UBE2O: variants seen among roughly 807,000 people sequenced by gnomAD.
The protein encoded by UBE2O is ubiquitin conjugating enzyme E2 O.
UBE2O carries 15 observed loss-of-function variants against 125.8 expected under a neutral mutation model. That is an observed-to-expected ratio of 0.12 (90% CI 0.08 to 0.18). The LOEUF (loss-of-function observed/expected upper bound fraction) is 0.18. UBE2O is among the 10% of genes least tolerant of loss of function. UBE2O has a pLI of 1.00. For missense variants in UBE2O, 1,280 were observed against 1,723.6 expected (o/e 0.74, Z 4.56); for synonymous variants, 708 against 703.2 (o/e 1.01, Z -0.11).
intron 1 of UBE2O, among the ~76,000 whole-genome samples, chr17:76,449,455 A>T (rs1044094317): frequency 3.3e-5 from 5 of 152,218 alleles, no homozygotes; most frequent in African/African-American, 1.2e-4. Context: ...CATGCCCATA[A>T]TCCCAGCTAT....
At chr17:76,434,064 T>C (rs1027039481) in intron 1 of UBE2O, among the ~76,000 whole-genome samples, 1 of 152,222 alleles carries the variant, frequency 6.6e-6, no homozygotes, top group African/African-American at 2.4e-5. Context: ...TGTCCTCCTA[T>C]AGACTTTTAT....
At chr17:76,431,760 C>A (rs1165782362) in intron 1 of UBE2O, among the ~76,000 whole-genome samples, 3 of 152,162 alleles carry the variant, frequency 2.0e-5, no homozygotes. Context: ...TGGGCCAAGA[C>A]TCCATCTCTA....
At position 76,399,900 on chromosome 17, in the gene UBE2O, G is replaced by C. The variant is rs1330465832; in HGVS notation, c.1177C>G (p.Gln393Glu). The change falls in exon 9 of 18, where the codon CAG (glutamine) becomes GAG (glutamate). Residue 393 changes from glutamine to glutamate, a missense_variant. By Grantham distance (29) the Gln-to-Glu change is conservative (BLOSUM62 2). Transcript: ENST00000319380. The surrounding 1 kb of genome is among the most constrained non-coding windows in gnomAD (Gnocchi z 6.9). ...GAGCATGACATGATCCGCACAACCT[G>C]CTTCTTCAACAGGCGCTTCACCTGC... ...AKKVKRLLKKQVVRIMSCSPD... is the reference protein window; with the variant it reads ...AKKVKRLLKKEVVRIMSCSPD... 3 of 1,607,820 alleles carry C rather than the reference G, an allele frequency of 1.9e-6. No individual in the cohort carries two copies. In the South Asian group the frequency reaches 3.3e-5, roughly 18 times the overall value.
chr17:76,390,690 T>C lies in UBE2O; in HGVS notation c.*253A>G, dbSNP rs2072092229. 1 of 407,146 alleles carries C rather than the reference T, an allele frequency of 2.5e-6. No homozygotes were observed. Among genetic ancestry groups the C allele is most frequent in the African/African-American group, 2.0e-5 (1 of 48,850 alleles). 25.2% of individuals were successfully genotyped at this position (407,146 alleles called of 1,614,324 possible). On this transcript the variant is annotated 3_prime_UTR_variant, in exon 18 of 18. Transcript: ENST00000319380. ...CCGGACATTCTGCTGGGGTGACAAA[T>C]GGAAAATCGGCAACAGGGTTCCGAT...
chr17:76,399,873 G>C lies in UBE2O; in HGVS notation c.1204C>G (p.Pro402Ala). The C allele has an allele frequency of 6.2e-7, 1 of 1,613,314 alleles. No individual in the cohort carries two copies. Among genetic ancestry groups the C allele is most frequent in the South Asian group, 1.1e-5 (1 of 90,914 alleles). The change falls in exon 9 of 18, where the codon CCA becomes GCA. Residue 402 changes from proline (P) to alanine (A), a missense_variant. This residue lies in a region of UBE2O where 141 missense variants were observed against 141.3 expected (regional missense o/e 1.00). Transcript: ENST00000319380. This position sits in a 1 kb window ranked among gnomAD's most constrained non-coding sequence, Gnocchi z 6.9. ...KQVVRIMSCS[P>A]DTQCSRDHSM... ...TGGTCCCGGGAACACTGGGTGTCTGGGGAGCATGACATGATCCGCACAACC... is the reference window on the plus strand; with the variant it reads ...TGGTCCCGGGAACACTGGGTGTCTGCGGAGCATGACATGATCCGCACAACC...
rs2072064026 is a variant in UBE2O, at chr17:76,389,528, AAAATG to A, written c.*1410_*1414del. ...GCCAACACAAAAAAAAAAAAAAAAA[AAAATG>A]CAAGTAAAAAAAAGTTTAATCACAC... On this transcript the variant is annotated 3_prime_UTR_variant, in exon 18 of 18. Coordinates refer to ENST00000319380, the MANE Select transcript of UBE2O (RefSeq NM_022066.4). The A allele has an allele frequency of 6.6e-6, 1 of 152,052 alleles. No individual in the cohort carries two copies. Among genetic ancestry groups the A allele is most frequent in the Non-Finnish European group, 1.5e-5 (1 of 67,980 alleles). The allele number at this position is 152,052 out of a possible 1,614,324, so 9.4% of individuals were successfully genotyped here. A position where few individuals can be genotyped will look rare whatever the true frequency, so the allele number is the denominator to read the frequency against.
At chr17:76,401,708 T>G (rs1315853542) in intron 5 of UBE2O, 1 of 178,526 alleles carries the variant, frequency 5.6e-6, no homozygotes, top group Non-Finnish European at 1.2e-5. Context: ...AAACCTCATC[T>G]CCACTAAAAA....
intron 15 of UBE2O, 142 bp from the exon 16 acceptor site, chr17:76,392,255 G>A (rs2072125920): frequency 3.8e-6 from 2 of 533,222 alleles, no homozygotes; most frequent in Non-Finnish European, 6.4e-6. Context: ...GACTCCAGAT[G>A]CCACCAGCAG....
intron 1 of UBE2O, among the ~76,000 whole-genome samples, chr17:76,406,184 G>C (rs1056695885): frequency 1.3e-5 from 2 of 152,216 alleles, no homozygotes; most frequent in South Asian, 4.1e-4. Flanking sequence ...CTTGGAGCCC[G>C]GCCAACTGCA....
At chr17:76,426,224 G>A (rs1244771918) in intron 1 of UBE2O, among the ~76,000 whole-genome samples, 2 of 152,046 alleles carry the variant, frequency 1.3e-5, no homozygotes, top group African/African-American at 4.8e-5. Context: ...GGCTGGTCTC[G>A]AACGGGGCTC....
At chr17:76,431,093 G>A (rs1378502259) in intron 1 of UBE2O, 1 of 180,998 alleles carries the variant, frequency 5.5e-6, no homozygotes, top group African/African-American at 2.4e-5. Context: ...TGGCACAACA[G>A]GAAGCTGCTG....
In UBE2O at chr17:76,389,796, T is replaced by G. The variant is rs1216111528; in HGVS notation, c.*1147A>C. ...CTGACAAGACGCATCATGCTTTGGC[T>G]TTTTTTTTGTCTTTTTTTCTAATAA... is the stretch of plus-strand genomic sequence containing the variant. On this transcript the variant is annotated 3_prime_UTR_variant, in exon 18 of 18. Coordinates refer to ENST00000319380, the MANE Select transcript of UBE2O (RefSeq NM_022066.4). 6.7e-6 allele frequency: 1 copy of G among 149,842 alleles called. No homozygotes were observed. Among genetic ancestry groups the G allele is most frequent in the East Asian group, 1.9e-4 (1 of 5,194 alleles). 9.3% of individuals were successfully genotyped at this position (149,842 alleles called of 1,614,324 possible).
chr17:76,452,644 C>T lies in UBE2O; in HGVS notation c.417+81G>A. 1 of 1,271,840 alleles carries T rather than the reference C, an allele frequency of 7.9e-7. No individual in the cohort carries two copies. Among genetic ancestry groups the T allele is most frequent in the East Asian group, 3.2e-5 (1 of 31,014 alleles). The allele number at this position is 1,271,840 out of a possible 1,614,324, so 78.8% of individuals were successfully genotyped here. A position where few individuals can be genotyped will look rare whatever the true frequency, so the allele number is the denominator to read the frequency against. On this transcript the variant is annotated intron_variant, in intron 1 of 17. Coordinates refer to ENST00000319380, the MANE Select transcript of UBE2O (RefSeq NM_022066.4). The surrounding 1 kb of genome is among the most constrained non-coding windows in gnomAD (Gnocchi z 4.4). Reference sequence around the variant, plus strand: ...TGCAGTGGCACCGCTCCGGGCAGGGCCCTGCACGCCGTCCTTCCCTGGCCT... The same window carrying T: ...TGCAGTGGCACCGCTCCGGGCAGGGTCCTGCACGCCGTCCTTCCCTGGCCT...
rs547025227 is a variant in UBE2O, at chr17:76,407,714, C to T, written c.418-2142G>A. ...CTGAGGCTGAAGCAGAAAAAAACAG[C>T]TGGTGAAAGCTGGCATCATGGCAAG... On this transcript the variant is annotated intron_variant, in intron 1 of 17. Coordinates refer to ENST00000319380, the MANE Select transcript of UBE2O (RefSeq NM_022066.4). 3.5e-4 allele frequency among the ~76,000 whole-genome samples: 53 copies of T among 152,350 alleles called. 1 individual carries two copies. In the South Asian group the frequency reaches 7.2e-3, roughly 21 times the overall value.
chr17:76,391,012 C>G lies in UBE2O; in HGVS notation c.3810G>C (p.Arg1270=). The G allele has an allele frequency of 6.2e-7, 1 of 1,613,878 alleles. No individual in the cohort carries two copies. Among genetic ancestry groups the G allele is most frequent in the South Asian group, 1.1e-5 (1 of 91,078 alleles). Residue 1270 remains arginine, a synonymous_variant, in exon 18 of 18, where the codon CGG becomes CGC. Coordinates refer to ENST00000319380, the MANE Select transcript of UBE2O (RefSeq NM_022066.4). This position sits in a 1 kb window ranked among gnomAD's most constrained non-coding sequence, Gnocchi z 8.4. ...PLSKGFIKSI[R]GVLTQFRAAL... is the part of the protein sequence containing the mutation. ...CAGCCCGGAACTGCGTCAGGACACC[C>G]CGGATGCTCTTGATGAAACCCTTGG...
At chr17:76,436,231 G>C (rs963896513) in intron 1 of UBE2O, among the ~76,000 whole-genome samples, 12 of 151,964 alleles carry the variant, frequency 7.9e-5, no homozygotes, top group South Asian at 2.1e-4. Flanking sequence ...TGGGCAACAA[G>C]AGCAAACTCC....
In UBE2O at chr17:76,398,629, C is replaced by T; in HGVS notation, c.1784-45G>A. 1 of 1,588,090 alleles carries T rather than the reference C, an allele frequency of 6.3e-7. No homozygotes were observed. The highest frequency in any genetic ancestry group is 8.6e-7 in the Non-Finnish European group (1 of 1,158,670). On this transcript the variant is annotated intron_variant, in intron 10 of 17. Transcript: ENST00000319380. This position sits in a 1 kb window ranked among gnomAD's most constrained non-coding sequence, Gnocchi z 5.4. ...GAAGTGACTAGCTAAGGGATCCCGG[C>T]TAAGGAGCCCACATCTCAAGCCAGT... is the stretch of plus-strand genomic sequence containing the variant.
chr17:76,441,005 G>A (rs559456656), intron 1 of UBE2O, among the ~76,000 whole-genome samples: 11 of 152,276 alleles, frequency 7.2e-5, no homozygotes, highest in Admixed American at 4.6e-4. Flanking sequence ...ACCTGCATTC[G>A]GGCAGCACAA....
intron 1 of UBE2O, among the ~76,000 whole-genome samples, chr17:76,417,394 A>G (rs920711968): frequency 1.3e-5 from 2 of 152,252 alleles, no homozygotes; most frequent in Non-Finnish European, 2.9e-5. Context: ...ACAGAACACA[A>G]TGCAAAATTT....
Sources: allele counts gnomAD v4.1 joint callset (sites outside exome capture counted in the v4.1 genomes callset), GRCh38; gene constraint gnomAD v4.1.1; regional missense constraint gnomAD v4.1.1; non-coding constraint Gnocchi (gnomAD v3.1); transcripts MANE v1.5; gene names NCBI Gene and HGNC (gene_info 2026-07-23, HGNC 2026-07-21).